VAPA: variants seen among roughly 807,000 people sequenced by gnomAD.
VAPA encodes vesicle-associated membrane protein-associated protein A.
Under a neutral mutation model 25.6 loss-of-function variants are expected in VAPA, and 6 were observed. The observed-to-expected ratio is 0.23, with a 90% CI of 0.13 to 0.46. The LOEUF (loss-of-function observed/expected upper bound fraction) is 0.46. VAPA is among the 20% of genes least tolerant of loss of function. The pLI, the probability that VAPA is intolerant of heterozygous loss-of-function variation, is 0.99. For missense variants in VAPA, 244 were observed against 302.1 expected (o/e 0.81, Z 1.43); for synonymous variants, 112 against 106.2 (o/e 1.05, Z -0.34).
Position 9,942,428 on chromosome 18 carries a change from A to ATT in VAPA, c.417+5370_417+5371dup, listed in dbSNP as rs149650125. Among the ~76,000 whole-genome samples the ATT allele has an allele frequency of 3.2e-4, 49 of 151,294 alleles. 1 individual carries two copies. In the East Asian group the frequency reaches 4.6e-3, roughly 14 times the overall value. Reference sequence around the variant, plus strand: ...GAGATAACAAGTCTTGAACTTTATGATTTTTTTTTAGTGTGTTTTAACCCC... The same window carrying ATT: ...GAGATAACAAGTCTTGAACTTTATGATTTTTTTTTTTAGTGTGTTTTAACCCC... On this transcript the variant is annotated intron_variant, in intron 4 of 5. Coordinates refer to ENST00000400000, the MANE Select transcript of VAPA (RefSeq NM_194434.3).
chr18:9,930,353 C>CTA (rs1359104165), intron 1 of VAPA, among the ~76,000 whole-genome samples: 4 of 151,954 alleles, frequency 2.6e-5, no homozygotes, highest in African/African-American at 9.7e-5. Flanking sequence ...CAAAATAGTC[C>CTA]TATAACATTT....
At chr18:9,943,840 C>CT (rs1281083775) in intron 4 of VAPA, among the ~76,000 whole-genome samples, 2 of 90,446 alleles carry the variant, frequency 2.2e-5, no homozygotes, top group Non-Finnish European at 4.9e-5. Flanking sequence ...GACATATTTC[C>CT]CTTTTTTTTT....
At chr18:9,949,259 A>C (rs760505893) in intron 4 of VAPA, 1 of 152,196 alleles carries the variant, frequency 6.6e-6, no homozygotes, top group Non-Finnish European at 1.5e-5. Context: ...ACGTTGCTTA[A>C]CTGGGAAGCT....
At chr18:9,936,477 A>C (rs2069311271) in intron 3 of VAPA, 1 of 254,612 alleles carries the variant, frequency 3.9e-6, no homozygotes, top group South Asian at 1.1e-4. Flanking sequence ...TTGGGAGGCC[A>C]AGATGGGAGT....
rs896308277 is a variant in VAPA at position 9,956,270 on chromosome 18, G to C, written c.*2059G>C. The C allele has an allele frequency of 6.6e-6, 1 of 152,136 alleles. No homozygotes were observed. The highest frequency in any genetic ancestry group is 2.4e-5 in the African/African-American group (1 of 41,436). The allele number at this position is 152,136 out of a possible 1,614,324, so 9.4% of individuals were successfully genotyped here. On this transcript the variant is annotated 3_prime_UTR_variant, in exon 6 of 6. Transcript: ENST00000400000. ...TCTAGCTCAGTGTCTTCTGGTAACT[G>C]TTGAAAATTGTCTTAGTTTGAGAGA... is the stretch of plus-strand genomic sequence containing the variant.
Position 9,959,697 on chromosome 18 carries a change from G to C in VAPA, c.*5486G>C, listed in dbSNP as rs542112576. The C allele has an allele frequency of 2.3e-4, 30 of 129,266 alleles. No homozygotes were observed. The South Asian group carries it at 7.6e-3, about 33-fold the overall frequency. The allele number at this position is 129,266 out of a possible 1,614,324, so 8.0% of individuals were successfully genotyped here. Reference sequence around the variant, plus strand: ...TAATACAATGTGTGTGTGTGAGAGAGAGAGTGAGTTACTGACATTGTTCCA... The same window carrying C: ...TAATACAATGTGTGTGTGTGAGAGACAGAGTGAGTTACTGACATTGTTCCA... On this transcript the variant is annotated 3_prime_UTR_variant, in exon 6 of 6. Coordinates refer to ENST00000400000, the MANE Select transcript of VAPA (RefSeq NM_194434.3).
At chr18:9,950,207 G>A (rs954070313) in intron 4 of VAPA, 188 bp from the exon 5 acceptor site, 43 of 566,498 alleles carry the variant, frequency 7.6e-5, no homozygotes, top group African/African-American at 1.9e-4. Flanking sequence ...GTAGAGGTAC[G>A]TGCCAGGGAT....
intron 4 of VAPA, among the ~76,000 whole-genome samples, chr18:9,943,187 T>G (rs2069383993): frequency 6.6e-6 from 1 of 152,246 alleles, no homozygotes; most frequent in African/African-American, 2.4e-5. Flanking sequence ...GTCCATGTTT[T>G]TATTTTTATA....
Position 9,936,976 on chromosome 18 carries a change from T to G in VAPA, c.337-10T>G. On this transcript the variant is annotated splice_polypyrimidine_tract_variant and intron_variant, in intron 3 of 5. Transcript: ENST00000400000. ...TCCTATGTCTCATGTTTGGTTTTGT[T>G]TATTTTTAGTGGAAAGAGGCAAAAC... 6.2e-7 allele frequency: 1 copy of G among 1,613,026 alleles called. No homozygotes were observed. Among genetic ancestry groups the G allele is most frequent in the South Asian group, 1.1e-5 (1 of 91,012 alleles).
At chr18:9,929,443 G>A (rs116064280) in intron 1 of VAPA, among the ~76,000 whole-genome samples, 2,000 of 152,190 alleles carry the variant, frequency 0.013, 53 homozygotes, top group African/African-American at 0.044. Context: ...AGCTCCTGGC[G>A]GGGTGGGGGT....
chr18:9,940,885 C>T (rs1567898614), intron 4 of VAPA, among the ~76,000 whole-genome samples: 2 of 152,126 alleles, frequency 1.3e-5, no homozygotes, highest in Non-Finnish European at 1.5e-5. Context: ...AAAATTGTGT[C>T]TATACTATTT....
chr18:9,947,636 A>G (rs1177373401), intron 4 of VAPA: 1 of 152,218 alleles, frequency 6.6e-6, no homozygotes, highest in East Asian at 1.9e-4. Flanking sequence ...CAATTTACTA[A>G]GAGTCACAGC....
intron 1 of VAPA, among the ~76,000 whole-genome samples, chr18:9,929,621 G>C (rs2069232683): frequency 6.6e-6 from 1 of 152,158 alleles, no homozygotes; most frequent in African/African-American, 2.4e-5. Context: ...AAGTGGACCA[G>C]ATATTTCTTT....
chr18:9,952,166 A>G (rs3025568), intron 5 of VAPA, among the ~76,000 whole-genome samples: 1 of 152,214 alleles, frequency 6.6e-6, no homozygotes, highest in East Asian at 1.9e-4. Flanking sequence ...GGAAGAGTGA[A>G]CCAGGGAAGT....
chr18:9,923,664 A>G (rs2069175746), intron 1 of VAPA, among the ~76,000 whole-genome samples: 1 of 152,104 alleles, frequency 6.6e-6, no homozygotes, highest in Admixed American at 6.5e-5. Flanking sequence ...AAAAAATTTT[A>G]CTTTTTAAAG....
chr18:9,952,386 G>C (rs1024986442), intron 5 of VAPA, among the ~76,000 whole-genome samples: 2 of 151,980 alleles, frequency 1.3e-5, no homozygotes, highest in Non-Finnish European at 2.9e-5. Flanking sequence ...GGCCAACGTG[G>C]TGAAACCCCG....
chr18:9,917,427 A>T (rs2069121120), intron 1 of VAPA, among the ~76,000 whole-genome samples: 1 of 152,152 alleles, frequency 6.6e-6, no homozygotes, highest in South Asian at 2.1e-4. Context: ...AGTAGCTGGA[A>T]CTACAGGCAT....
In VAPA at chr18:9,958,717, A is replaced by G. The variant is rs753284968; in HGVS notation, c.*4506A>G. ...TCAGCAATACAGGGGAACTTAAAATACTTATTTTTCTTTAAACTGCAGGAG... is the reference window on the plus strand; with the variant it reads ...TCAGCAATACAGGGGAACTTAAAATGCTTATTTTTCTTTAAACTGCAGGAG... On this transcript the variant is annotated 3_prime_UTR_variant, in exon 6 of 6. Coordinates refer to ENST00000400000, the MANE Select transcript of VAPA (RefSeq NM_194434.3). The G allele has an allele frequency of 1.8e-4, 28 of 152,338 alleles. No homozygotes were observed. The highest frequency in any genetic ancestry group is 7.2e-4 in the Admixed American group (11 of 15,302). The allele number at this position is 152,338 out of a possible 1,614,324, so 9.4% of individuals were successfully genotyped here.
intron 5 of VAPA, among the ~76,000 whole-genome samples, chr18:9,953,378 G>A (rs747335130): frequency 3.0e-4 from 45 of 152,188 alleles, no homozygotes; most frequent in Non-Finnish European, 4.9e-4. Flanking sequence ...TTCTTTCTCT[G>A]CTTTGCAGTC....
Sources: gnomAD v4.1 joint callset for allele counts (sites outside exome capture counted in the v4.1 genomes callset) on GRCh38, gnomAD v4.1.1 for gene constraint, MANE v1.5 for transcripts, NCBI Gene and HGNC (gene_info 2026-07-23, HGNC 2026-07-21) for gene names.